The following DMRT1 variants were observed in gnomAD, a reference collection of about 807,000 sequenced individuals.
The protein encoded by DMRT1 is doublesex- and mab-3-related transcription factor 1.
In DMRT1, 7 loss-of-function variants were observed where a neutral mutation model predicts 32.3. That is an observed-to-expected ratio of 0.22 (90% CI 0.12 to 0.41). The LOEUF (loss-of-function observed/expected upper bound fraction) is 0.41. Ranked by LOEUF, DMRT1 falls within the 10% of genes least tolerant of loss-of-function variation. The pLI is 1.00. For missense variants in DMRT1, 625 were observed against 500.5 expected, an observed-to-expected ratio of 1.25 and a Z score of -2.37; for synonymous variants, 278 against 206.1, an observed-to-expected ratio of 1.35 and a Z score of -2.99.
intron 2 of DMRT1, among the ~76,000 whole-genome samples, chr9:878,926 T>C (rs1485645271): frequency 1.3e-5 from 2 of 152,190 alleles, no homozygotes; most frequent in Non-Finnish European, 2.9e-5. Context: ...TCAGATCCGA[T>C]CAATTACTTT....
chr9:882,912 C>G (rs1219331869), intron 2 of DMRT1, among the ~76,000 whole-genome samples: 2 of 151,904 alleles, frequency 1.3e-5, no homozygotes, highest in African/African-American at 4.8e-5. Flanking sequence ...GCTGGGATTA[C>G]AGGTGCCTGC....
At chr9:903,725 T>G (rs549538268) in intron 3 of DMRT1, among the ~76,000 whole-genome samples, 1 of 152,284 alleles carries the variant, frequency 6.6e-6, no homozygotes, top group Admixed American at 6.5e-5. Context: ...TAAAAATATG[T>G]AGATTCCAGA....
At position 954,741 on chromosome 9, in the gene DMRT1, A is replaced by C. The variant is rs10977774; in HGVS notation, c.968-13244A>C. Among the ~76,000 whole-genome samples the C allele has an allele frequency of 9.8e-3, 1,490 of 152,190 alleles. 23 individuals carry two copies. Among genetic ancestry groups the C allele is most frequent in the East Asian group, 0.073 (379 of 5,178 alleles). ...ACTGTAACCTGTGCCTCCCAGGTTC[A>C]AGCAATTCTCCTGCCTCAGCCTCCC... On this transcript the variant is annotated intron_variant, in intron 4 of 4. Coordinates refer to ENST00000382276, the MANE Select transcript of DMRT1 (RefSeq NM_021951.3).
intron 2 of DMRT1, among the ~76,000 whole-genome samples, chr9:851,399 C>T (rs1374905097): frequency 2.0e-5 from 3 of 150,718 alleles, no homozygotes; most frequent in Non-Finnish European, 3.0e-5. Context: ...TGGCGATGCC[C>T]AGCTAATTTT....
intron 4 of DMRT1, among the ~76,000 whole-genome samples, chr9:921,055 T>G (rs1818336891): frequency 6.6e-6 from 1 of 152,210 alleles, no homozygotes. Flanking sequence ...TAACCATAAT[T>G]AAAGTGTACA....
rs375905206 is a variant in DMRT1 at position 878,682 on chromosome 9, C to T, written c.539-15230C>T. Among the ~76,000 whole-genome samples, 95 of 152,112 alleles carry T rather than the reference C, an allele frequency of 6.2e-4. 2 individuals are homozygous for T. The South Asian group carries it at 0.019, about 30-fold the overall frequency. On this transcript the variant is annotated intron_variant, in intron 2 of 4. Transcript: ENST00000382276. ...GATTTGGAGCAAGGATAACTTTGTG[C>T]GGAGTTATTTGGTGGCTCTCTTGCT...
chr9:888,207 A>G lies in DMRT1; in HGVS notation c.539-5705A>G, dbSNP rs891766493. Among the ~76,000 whole-genome samples the G allele has an allele frequency of 5.3e-5, 8 of 152,128 alleles. No individual in the cohort carries two copies. In the South Asian group the frequency reaches 6.2e-4, roughly 12 times the overall value. ...CTGGATGTAAGCCATGAAACTCACAACCATTTGGCAGCGATACACACACAG... is the reference window on the plus strand; with the variant it reads ...CTGGATGTAAGCCATGAAACTCACAGCCATTTGGCAGCGATACACACACAG... On this transcript the variant is annotated intron_variant, in intron 2 of 4. Coordinates refer to ENST00000382276, the MANE Select transcript of DMRT1 (RefSeq NM_021951.3).
At chr9:942,134 C>T (rs995784991) in intron 4 of DMRT1, among the ~76,000 whole-genome samples, 17 of 152,152 alleles carry the variant, frequency 1.1e-4, no homozygotes, top group African/African-American at 4.1e-4. Context: ...TGCCCATGAC[C>T]ATCTAGGCCT....
chr9:868,395 G>T (rs1254380445), intron 2 of DMRT1, among the ~76,000 whole-genome samples: 1 of 152,148 alleles, frequency 6.6e-6, no homozygotes, highest in Non-Finnish European at 1.5e-5. Context: ...CCGGTGTATT[G>T]ATGATTGCTT....
At chr9:946,807 T>C (rs1819260911) in intron 4 of DMRT1, among the ~76,000 whole-genome samples, 1 of 152,164 alleles carries the variant, frequency 6.6e-6, no homozygotes, top group Admixed American at 6.5e-5. Flanking sequence ...GTAGGAAAGA[T>C]TGGGGAATAC....
intron 2 of DMRT1, among the ~76,000 whole-genome samples, chr9:857,377 C>G (rs1221108424): frequency 2.0e-5 from 3 of 152,014 alleles, no homozygotes; most frequent in Admixed American, 1.3e-4. Flanking sequence ...GAAAACGTTC[C>G]TTTCTTACTT....
chr9:952,923 A>G (rs1245718087), intron 4 of DMRT1, among the ~76,000 whole-genome samples: 1 of 152,114 alleles, frequency 6.6e-6, no homozygotes, highest in Non-Finnish European at 1.5e-5. Flanking sequence ...TTTTTTGTTG[A>G]TCATTTTTTA....
intron 1 of DMRT1, among the ~76,000 whole-genome samples, chr9:846,395 T>A (rs769516975): frequency 6.6e-6 from 1 of 152,116 alleles, no homozygotes; most frequent in African/African-American, 2.4e-5. Context: ...GTACCTGTTT[T>A]TAGTACAGTG....
chr9:866,544 T>C (rs1815998376), intron 2 of DMRT1, among the ~76,000 whole-genome samples: 1 of 152,154 alleles, frequency 6.6e-6, no homozygotes, highest in Non-Finnish European at 1.5e-5. Context: ...AAACTTGTGT[T>C]TACTTGAAAA....
At chr9:952,582 A>G (rs1159282390) in intron 4 of DMRT1, among the ~76,000 whole-genome samples, 1 of 152,244 alleles carries the variant, frequency 6.6e-6, no homozygotes, top group African/African-American at 2.4e-5. Context: ...TTCTGAAATT[A>G]GCAGATTACT....
At position 957,586 on chromosome 9, in the gene DMRT1, A is replaced by G. The variant is rs10977819; in HGVS notation, c.968-10399A>G. Among the ~76,000 whole-genome samples the G allele has an allele frequency of 4.9e-3, 740 of 152,312 alleles. 4 individuals are homozygous for G. Among genetic ancestry groups the G allele is most frequent in the African/African-American group, 0.017 (691 of 41,562 alleles). ...TGTTATATTTAGGTGGTAAAATAAC[A>G]TGTGCAACTTTGAGTAGGCATGTAT... On this transcript the variant is annotated intron_variant, in intron 4 of 4. Coordinates refer to ENST00000382276, the MANE Select transcript of DMRT1 (RefSeq NM_021951.3).
At position 924,087 on chromosome 9, in the gene DMRT1, T is replaced by TC. The variant is rs763760062; in HGVS notation, c.967+7180_967+7181insC. On this transcript the variant is annotated intron_variant, in intron 4 of 4. Coordinates refer to ENST00000382276, the MANE Select transcript of DMRT1 (RefSeq NM_021951.3). ...ATCAATCTCTTTTTTTTTTTTTTTT[T>TC]TCCACCTGGAGTCTCTCTCTGTCTC... Among the ~76,000 whole-genome samples the TC allele has an allele frequency of 4.7e-4, 31 of 65,568 alleles. 3 individuals carry two copies. Among genetic ancestry groups the TC allele is most frequent in the Non-Finnish European group, 9.4e-4 (21 of 22,382 alleles). The allele number at this position is 65,568 out of a possible 152,430, so 43.0% of individuals were successfully genotyped here.
intron 3 of DMRT1, among the ~76,000 whole-genome samples, chr9:903,885 A>G (rs1400640739): frequency 2.0e-5 from 3 of 152,162 alleles, no homozygotes; most frequent in African/African-American, 7.2e-5. Flanking sequence ...CCAGGAAGCC[A>G]GATAGAGTGA....
At chr9:956,586 A>C (rs12006395) in intron 4 of DMRT1, among the ~76,000 whole-genome samples, 1 of 148,354 alleles carries the variant, frequency 6.7e-6, no homozygotes, top group Non-Finnish European at 1.5e-5. Flanking sequence ...AACAAAAAAC[A>C]AAAAACCCAA....
Sources: gnomAD v4.1 joint callset for allele counts (sites outside exome capture counted in the v4.1 genomes callset) on GRCh38, gnomAD v4.1.1 for gene constraint, MANE v1.5 for transcripts, NCBI Gene and HGNC (gene_info 2026-07-23, HGNC 2026-07-21) for gene names.